The following GRM8 variants were observed in gnomAD, a reference collection of about 807,000 sequenced individuals.
The protein encoded by GRM8 is metabotropic glutamate receptor 8.
Under a neutral mutation model 87.2 loss-of-function variants are expected in GRM8, and 47 were observed. The ratio of observed to expected loss-of-function variants is 0.54; its 90% CI spans 0.43 to 0.69. The LOEUF (loss-of-function observed/expected upper bound fraction) is 0.69. GRM8 is among the 30% of genes least tolerant of loss of function. GRM8 has a pLI of 0.00. For missense variants in GRM8, 1,019 were observed against 1,139.2 expected (o/e 0.89, Z 1.52); for synonymous variants, 396 against 404.5 (o/e 0.98, Z 0.25).
At chr7:127,150,893 C>T (rs17867775) in intron 2 of GRM8, among the ~76,000 whole-genome samples, 12,176 of 152,066 alleles carry the variant, frequency 0.08, 722 homozygotes, top group African/African-American at 0.17. Flanking sequence ...AGTAGGTAAG[C>T]CCTGCCTCAA....
intron 8 of GRM8, among the ~76,000 whole-genome samples, chr7:126,598,537 G>A (rs1220287641): frequency 6.6e-6 from 1 of 151,950 alleles, no homozygotes; most frequent in Non-Finnish European, 1.5e-5. Context: ...TCTTCCTAAT[G>A]TCCTCACTTA....
At chr7:126,761,361 TAGTCAAAGCAC>T (rs780447829) in intron 7 of GRM8, among the ~76,000 whole-genome samples, 28 of 152,320 alleles carry the variant, frequency 1.8e-4, no homozygotes, top group Non-Finnish European at 3.4e-4. Flanking sequence ...CTTTGGTTTC[TAGTCAAAGCAC>T]AGTACCTAGA....
At position 126,763,464 on chromosome 7, in the gene GRM8, TATATATATACACAC is replaced by T. The variant is rs1454626388; in HGVS notation, c.1357+6387_1357+6400del. On this transcript the variant is annotated intron_variant, in intron 7 of 10. Transcript: ENST00000339582. ...ATTCATATATATATATATATATATA[TATATATATACACAC>T]ACACACACACACACACACAATTGTA... is the stretch of plus-strand genomic sequence containing the variant. 8.6e-3 allele frequency among the ~76,000 whole-genome samples: 665 copies of T among 77,252 alleles called. 3 individuals carry two copies. The highest frequency in any genetic ancestry group is 0.022 in the African/African-American group (616 of 27,962). The allele number at this position is 77,252 out of a possible 152,430, so 50.7% of individuals were successfully genotyped here. A position where few individuals can be genotyped will look rare whatever the true frequency, so the allele number is the denominator to read the frequency against.
intron 7 of GRM8, among the ~76,000 whole-genome samples, chr7:126,718,738 C>T (rs904521680): frequency 6.6e-6 from 1 of 152,160 alleles, no homozygotes; most frequent in Non-Finnish European, 1.5e-5. Context: ...CTGAGTGCCA[C>T]GAGGTTCCAG....
chr7:127,035,929 G>T (rs918671099), intron 3 of GRM8, among the ~76,000 whole-genome samples: 1 of 152,138 alleles, frequency 6.6e-6, no homozygotes, highest in African/African-American at 2.4e-5. Flanking sequence ...CAATATGACA[G>T]GTATTTCTCT....
chr7:126,813,744 T>C lies in GRM8; in HGVS notation c.1157-43679A>G, dbSNP rs1376521429. ...CTTGTATGCCTATTTTCAGGATCGG[T>C]TGAAACATTTCCTTGCTGAAAAGCT... On this transcript the variant is annotated intron_variant, in intron 6 of 10. Transcript: ENST00000339582. Among the ~76,000 whole-genome samples, 6 of 152,070 alleles carry C rather than the reference T, an allele frequency of 3.9e-5. No homozygotes were observed. The South Asian group carries it at 8.3e-4, about 21-fold the overall frequency.
At chr7:126,576,958 A>G (rs1267791541) in intron 8 of GRM8, among the ~76,000 whole-genome samples, 1 of 152,238 alleles carries the variant, frequency 6.6e-6, no homozygotes, top group African/African-American at 2.4e-5. Context: ...TTTTGACTCC[A>G]GGAAAACATC....
chr7:127,144,450 T>G (rs1409809586), intron 2 of GRM8, among the ~76,000 whole-genome samples: 1 of 152,104 alleles, frequency 6.6e-6, no homozygotes, highest in African/African-American at 2.4e-5. Flanking sequence ...ATTTTGCTTT[T>G]ATACTGATCT....
rs1372829668 is a variant in GRM8, at chr7:126,697,665, TC to T, written c.1357+72199del. Among the ~76,000 whole-genome samples the T allele has an allele frequency of 3.3e-5, 5 of 152,212 alleles. 1 individual carries two copies. Among genetic ancestry groups the T allele is most frequent in the African/African-American group, 1.2e-4 (5 of 41,548 alleles). On this transcript the variant is annotated intron_variant, in intron 7 of 10. Coordinates refer to ENST00000339582, the MANE Select transcript of GRM8 (RefSeq NM_000845.3). The stretch of plus-strand genomic sequence containing the variant: ...TCACATCTTTCCATATTTCTGCCCA[TC>T]CCCAAATTTAAGGAAATTAGTATGC...
intron 7 of GRM8, among the ~76,000 whole-genome samples, chr7:126,678,081 T>C (rs1807175294): frequency 6.6e-6 from 1 of 152,222 alleles, no homozygotes; most frequent in African/African-American, 2.4e-5. Context: ...TTTAAATCAA[T>C]GTTTTGTTCA....
intron 9 of GRM8, among the ~76,000 whole-genome samples, chr7:126,456,538 A>AAAAAAAAAAAAAAAAAAAAAAAAT (rs1803260773): frequency 8.0e-6 from 1 of 125,712 alleles, no homozygotes; most frequent in Non-Finnish European, 1.8e-5. Flanking sequence ...AAAAAAAAAA[A>AAAAAAAAAAAAAAAAAAAAAAAAT]AAAAAAAATC....
intron 6 of GRM8, among the ~76,000 whole-genome samples, chr7:126,888,548 T>G (rs1563285134): frequency 6.6e-6 from 1 of 152,140 alleles, no homozygotes; most frequent in Non-Finnish European, 1.5e-5. Flanking sequence ...GGATTTAAAT[T>G]TTATTTAAAT....
At chr7:127,113,922 A>G (rs1237251383) in intron 2 of GRM8, among the ~76,000 whole-genome samples, 2 of 152,160 alleles carry the variant, frequency 1.3e-5, no homozygotes, top group African/African-American at 4.8e-5. Flanking sequence ...AATGTCCAGC[A>G]CTGGCCCAAC....
intron 7 of GRM8, among the ~76,000 whole-genome samples, chr7:126,751,353 A>C (rs35204059): frequency 2.2e-4 from 33 of 151,982 alleles, no homozygotes; most frequent in African/African-American, 7.5e-4. Context: ...CAATGGAGAG[A>C]ACAATTTAAA....
intron 3 of GRM8, among the ~76,000 whole-genome samples, chr7:126,943,447 A>G (rs538276400): frequency 1.3e-5 from 2 of 152,356 alleles, no homozygotes; most frequent in African/African-American, 4.8e-5. Context: ...ATAGGAGGCT[A>G]GGAAGTCAAG....
intron 2 of GRM8, among the ~76,000 whole-genome samples, chr7:127,129,245 G>A (rs181552865): frequency 1.9e-4 from 29 of 152,154 alleles, no homozygotes; most frequent in Admixed American, 8.5e-4. Flanking sequence ...TTCAGTTGAG[G>A]TATAAACAAG....
intron 7 of GRM8, among the ~76,000 whole-genome samples, chr7:126,627,464 T>C (rs557887564): frequency 3.9e-5 from 6 of 152,238 alleles, no homozygotes; most frequent in Non-Finnish European, 5.9e-5. Flanking sequence ...TTTATTTCTA[T>C]GGAAAGCATC....
intron 6 of GRM8, among the ~76,000 whole-genome samples, chr7:126,802,045 G>T (rs1822765302): frequency 6.6e-6 from 1 of 152,114 alleles, no homozygotes; most frequent in African/African-American, 2.4e-5. Flanking sequence ...TATGTTAGAA[G>T]CACTTTTTAA....
chr7:126,650,892 A>G (rs1409560626), intron 7 of GRM8, among the ~76,000 whole-genome samples: 1 of 152,052 alleles, frequency 6.6e-6, no homozygotes, highest in African/African-American at 2.4e-5. Context: ...GCTCAGCAAC[A>G]TGGACTTCCA....
Sources: allele counts gnomAD v4.1 joint callset (sites outside exome capture counted in the v4.1 genomes callset), GRCh38; gene constraint gnomAD v4.1.1; transcripts MANE v1.5; gene names NCBI Gene and HGNC (gene_info 2026-07-23, HGNC 2026-07-21).